Variants in ZNF532 observed in about 807,000 individuals in gnomAD.
The protein encoded by ZNF532 is zinc finger protein 532.
A neutral mutation model predicts 89.3 loss-of-function variants in ZNF532; 22 were observed. That is an observed-to-expected ratio of 0.25 (90% CI 0.18 to 0.35). The LOEUF is 0.35. Ranked by LOEUF, ZNF532 falls within the 10% of genes least tolerant of loss-of-function variation. The pLI is 1.00. For missense variants in ZNF532, 1,132 were observed against 1,643.4 expected (o/e 0.69, Z 5.38); for synonymous variants, 606 against 649.6 (o/e 0.93, Z 1.02).
chr18:58,962,792 G>A (rs1020860310), intron 7 of ZNF532, among the ~76,000 whole-genome samples: 8 of 152,018 alleles, frequency 5.3e-5, no homozygotes, highest in Non-Finnish European at 1.2e-4. Flanking sequence ...TAGTAGAGAC[G>A]GGGTTTCACC....
At chr18:58,885,778 C>T (rs139988705) in intron 2 of ZNF532, among the ~76,000 whole-genome samples, 499 of 151,212 alleles carry the variant, frequency 3.3e-3, no homozygotes, top group African/African-American at 0.012. Context: ...CACTGGAACC[C>T]GGGAGGCGGA....
intron 2 of ZNF532, among the ~76,000 whole-genome samples, chr18:58,880,938 A>C (rs1249061046): frequency 6.6e-6 from 1 of 152,180 alleles, no homozygotes; most frequent in Non-Finnish European, 1.5e-5. Flanking sequence ...TAGATGGCTC[A>C]GAATTTTAAA....
At chr18:58,948,494 A>T (rs566095672) in intron 6 of ZNF532, among the ~76,000 whole-genome samples, 1 of 151,908 alleles carries the variant, frequency 6.6e-6, no homozygotes, top group African/African-American at 2.4e-5. Context: ...GTAAAAAAGT[A>T]CTAAGTTTTT....
At chr18:58,903,749 G>T (rs1173251948) in intron 2 of ZNF532, among the ~76,000 whole-genome samples, 1 of 152,104 alleles carries the variant, frequency 6.6e-6, no homozygotes, top group Non-Finnish European at 1.5e-5. Flanking sequence ...GTACATACCC[G>T]CAAGGCACTT....
rs986677567 is a variant in ZNF532, at chr18:58,865,944, C to T, written c.-18+365C>T. 4.6e-5 allele frequency among the ~76,000 whole-genome samples: 7 copies of T among 152,286 alleles called. No homozygotes were observed. The East Asian group carries it at 9.7e-4, about 21-fold the overall frequency. ...GATTATAAGAAAAGGAAGGGCTTCA[C>T]CAAATCGAGGCAGCCTAGCCACCTT... On this transcript the variant is annotated intron_variant, in intron 2 of 9. Transcript: ENST00000591808.
intron 5 of ZNF532, 122 bp from the exon 6 acceptor site, chr18:58,947,945 A>G (rs1253356197): frequency 5.8e-6 from 5 of 865,022 alleles, no homozygotes; most frequent in Admixed American, 2.8e-5. Context: ...TCGTTGTTCT[A>G]TTTATTGTGT....
intron 4 of ZNF532, among the ~76,000 whole-genome samples, chr18:58,936,419 T>C (rs1255992319): frequency 2.0e-5 from 3 of 152,234 alleles, no homozygotes; most frequent in African/African-American, 7.2e-5. Context: ...GTTTTTCTAA[T>C]AGAATGAAAG....
chr18:58,888,722 T>A (rs1389462550), intron 2 of ZNF532, among the ~76,000 whole-genome samples: 1 of 36,898 alleles, frequency 2.7e-5, no homozygotes, highest in African/African-American at 1.5e-4. Context: ...TATATATATA[T>A]ATAAATTATA....
At position 58,983,993 on chromosome 18, in the gene ZNF532, T is replaced by C; in HGVS notation, c.3433T>C (p.Leu1145=). The change falls in exon 10 of 10, where the codon TTG becomes CTG. Residue 1145 remains leucine (L), a synonymous_variant. Coordinates refer to ENST00000591808, the MANE Select transcript of ZNF532 (RefSeq NM_001375912.1). The part of the protein sequence containing the change: ...DTKVPSPKRK[L]EEPVLEFRPP... ...AAAGGTCCCCAGTCCCAAGCGGAAG[T>C]TGGAAGAACCAGTTCTGGAGTTCAG... 1 of 1,609,506 alleles carries C rather than the reference T, an allele frequency of 6.2e-7. No homozygotes were observed. Among genetic ancestry groups the C allele is most frequent in the Non-Finnish European group, 8.5e-7 (1 of 1,178,446 alleles).
intron 8 of ZNF532, 22 bp downstream of exon 8, chr18:58,979,189 A>G (rs372414297): frequency 1.1e-5 from 17 of 1,596,618 alleles, no homozygotes; most frequent in Admixed American, 5.0e-5. Flanking sequence ...TTTCTAACGG[A>G]ACGCAGTGAG....
At chr18:58,940,585 C>T (rs1044024345) in intron 5 of ZNF532, among the ~76,000 whole-genome samples, 7 of 152,184 alleles carry the variant, frequency 4.6e-5, no homozygotes, top group South Asian at 2.1e-4. Flanking sequence ...ACTGTCTCAG[C>T]GGCCATCTTC....
intron 3 of ZNF532, among the ~76,000 whole-genome samples, chr18:58,922,213 C>G (rs1359067707): frequency 6.6e-6 from 1 of 152,092 alleles, no homozygotes; most frequent in East Asian, 1.9e-4. Context: ...GTAAACTGGG[C>G]TTTCCTTTTT....
At chr18:58,941,964 CTCCCTCCCTCCCTCCT>C (rs1400228427) in intron 5 of ZNF532, among the ~76,000 whole-genome samples, 2 of 124,228 alleles carry the variant, frequency 1.6e-5, no homozygotes, top group Non-Finnish European at 3.5e-5. Flanking sequence ...CCCTCCCTCT[CTCCCTCCCTCCCTCCT>C]TCCCTCCTTC....
chr18:58,905,614 G>A (rs2059889058), intron 2 of ZNF532, among the ~76,000 whole-genome samples: 1 of 152,028 alleles, frequency 6.6e-6, no homozygotes, highest in Non-Finnish European at 1.5e-5. Flanking sequence ...TGTCCAGGCT[G>A]GTCTCAAACT....
chr18:58,946,552 C>A (rs1231842611), intron 5 of ZNF532, among the ~76,000 whole-genome samples: 1 of 152,146 alleles, frequency 6.6e-6, no homozygotes, highest in Non-Finnish European at 1.5e-5. Flanking sequence ...GGATTACAGG[C>A]ATGAGCCACC....
rs775623683 is a variant in ZNF532, at chr18:58,953,785, A to C, written c.3136A>C (p.Lys1046Gln). 1 of 1,612,836 alleles carries C rather than the reference A, an allele frequency of 6.2e-7. No individual in the cohort carries two copies. Among genetic ancestry groups the C allele is most frequent in the Admixed American group, 1.7e-5 (1 of 59,988 alleles). The stretch of plus-strand genomic sequence containing the variant: ...AGATGTGTACATATCCCACGTGAGG[A>C]AGGAGCACGGGAAGGTCAGTAAAGA... ...QRDVYISHVR[K>Q]EHGKQMKKHP... The change falls in exon 7 of 10, where the codon AAG becomes CAG. Residue 1046 changes from lysine (K) to glutamine (Q), a missense_variant. By Grantham distance (53) the Lys-to-Gln change is moderately conservative. Transcript: ENST00000591808.
rs777724848 is a variant in ZNF532 at position 58,920,603 on chromosome 18, T to C, written c.2316T>C (p.His772=). Residue 772 remains histidine (H), a synonymous_variant, in exon 3 of 10, where the codon CAT becomes CAC. Coordinates refer to ENST00000591808, the MANE Select transcript of ZNF532 (RefSeq NM_001375912.1). ...AGGACGAGACATCACTGGCTACACA[T>C]TTCCAGCAGGCTGCAGATACGAGTG... is the stretch of plus-strand genomic sequence containing the variant. ...VFQDETSLAT[H]FQQAADTSGQ... 1 of 1,596,000 alleles carries C rather than the reference T, an allele frequency of 6.3e-7. No individual in the cohort carries two copies. Among genetic ancestry groups the C allele is most frequent in the South Asian group, 1.1e-5 (1 of 89,630 alleles).
chr18:58,889,394 T>C (rs1382740014), intron 2 of ZNF532, among the ~76,000 whole-genome samples: 1 of 152,228 alleles, frequency 6.6e-6, no homozygotes, highest in Non-Finnish European at 1.5e-5. Context: ...CACATATCCA[T>C]GTACTTGTAC....
intron 3 of ZNF532, among the ~76,000 whole-genome samples, chr18:58,932,041 G>A (rs1307663187): frequency 2.0e-5 from 3 of 152,168 alleles, no homozygotes; most frequent in Admixed American, 1.3e-4. Flanking sequence ...GTGTCTGTAC[G>A]TGGATATGCA....
Sources: allele counts gnomAD v4.1 joint callset (sites outside exome capture counted in the v4.1 genomes callset), GRCh38; gene constraint gnomAD v4.1.1; transcripts MANE v1.5; gene names NCBI Gene and HGNC (gene_info 2026-07-23, HGNC 2026-07-21).